Variants in CD47 observed in about 807,000 individuals in gnomAD.
CD47 encodes the protein leukocyte surface antigen CD47.
CD47 carries 11 observed loss-of-function variants against 44.6 expected under a neutral mutation model. The observed-to-expected ratio is 0.25, with a 90% CI of 0.16 to 0.41. The LOEUF (loss-of-function observed/expected upper bound fraction) is 0.41. Among genes scored for constraint, CD47 ranks in the 10% least tolerant of loss-of-function variants. The pLI is 1.00. For synonymous variants in CD47, 140 were observed against 136.3 expected, an observed-to-expected ratio of 1.03 and a Z score of -0.19; for missense variants, 306 against 386.7, an observed-to-expected ratio of 0.79 and a Z score of 1.75.
At chr3:108,069,314 CA>C (rs1360971136) in intron 3 of CD47, among the ~76,000 whole-genome samples, 2 of 152,014 alleles carry the variant, frequency 1.3e-5, no homozygotes, top group African/African-American at 4.8e-5. Flanking sequence ...AAGTAGAACA[CA>C]GGCAGCTATA....
chr3:108,060,595 C>G, intron 4 of CD47, 150 bp downstream of exon 4: 1 of 595,580 alleles, frequency 1.7e-6, no homozygotes, highest in Non-Finnish European at 3.0e-6. Context: ...AGACTTATGG[C>G]CTCCAGCATG....
At chr3:108,069,821 T>C (rs1054007470) in intron 3 of CD47, among the ~76,000 whole-genome samples, 3 of 152,206 alleles carry the variant, frequency 2.0e-5, no homozygotes, top group Non-Finnish European at 2.9e-5. Context: ...TCTGCCAATA[T>C]GGTTAAAAGC....
chr3:108,062,922 G>A (rs2079041207), intron 3 of CD47, among the ~76,000 whole-genome samples: 1 of 151,632 alleles, frequency 6.6e-6, no homozygotes, highest in South Asian at 2.1e-4. Context: ...CCAAAGTGCT[G>A]GGATTACAGG....
chr3:108,047,987 T>C (rs1450239105), intron 10 of CD47, among the ~76,000 whole-genome samples: 1 of 151,318 alleles, frequency 6.6e-6, no homozygotes, highest in South Asian at 2.1e-4. Flanking sequence ...TTCCTGAAAA[T>C]GGAGAAAAGT....
At chr3:108,079,582 A>AC (rs1271120798) in intron 2 of CD47, among the ~76,000 whole-genome samples, 4 of 149,220 alleles carry the variant, frequency 2.7e-5, no homozygotes, top group African/African-American at 4.9e-5. Context: ...AAAAAAAAAA[A>AC]AAAAAAAAAA....
chr3:108,078,132 T>C, intron 2 of CD47, among the ~76,000 whole-genome samples: 1 of 152,106 alleles, frequency 6.6e-6, no homozygotes, highest in East Asian at 1.9e-4. Flanking sequence ...CTCTCTATCT[T>C]TGAATCGTCC....
chr3:108,066,056 C>T (rs1477211579), intron 3 of CD47, among the ~76,000 whole-genome samples: 1 of 152,008 alleles, frequency 6.6e-6, no homozygotes, highest in Non-Finnish European at 1.5e-5. Context: ...AATATGCTTT[C>T]ATGGCTGAAT....
At chr3:108,052,240 C>T in intron 7 of CD47, 1 of 299,616 alleles carries the variant, frequency 3.3e-6, no homozygotes, top group African/African-American at 2.2e-5. Context: ...CCCAAATCAG[C>T]CACTTGTTAC....
At chr3:108,052,723 G>C (rs2078849338) in intron 7 of CD47, 1 of 152,334 alleles carries the variant, frequency 6.6e-6, no homozygotes, top group Admixed American at 6.5e-5. Flanking sequence ...GGGAGGCCAA[G>C]GCAAATAGAT....
chr3:108,088,340 C>T (rs190739050), intron 1 of CD47, among the ~76,000 whole-genome samples: 1,709 of 152,262 alleles, frequency 0.011, 12 homozygotes, highest in Non-Finnish European at 0.019. Context: ...CCATGAACAA[C>T]TCAGTGACAA....
intron 3 of CD47, among the ~76,000 whole-genome samples, chr3:108,070,189 C>T (rs182958108): frequency 2.0e-5 from 3 of 152,234 alleles, no homozygotes; most frequent in Admixed American, 1.3e-4. Context: ...AAATATACAA[C>T]AGGGCAATCC....
chr3:108,077,014 T>C (rs187173021), intron 2 of CD47, among the ~76,000 whole-genome samples: 135 of 152,300 alleles, frequency 8.9e-4, no homozygotes, highest in Middle Eastern at 3.4e-3. Flanking sequence ...TCTAATGGAC[T>C]ATATCATACA....
At chr3:108,083,196 T>C (rs2079450183) in intron 1 of CD47, among the ~76,000 whole-genome samples, 1 of 152,046 alleles carries the variant, frequency 6.6e-6, no homozygotes, top group Non-Finnish European at 1.5e-5. Flanking sequence ...GCCAGAGTTA[T>C]AGATAAATTA....
intron 1 of CD47, among the ~76,000 whole-genome samples, chr3:108,083,073 G>T (rs893034584): frequency 2.6e-5 from 4 of 152,028 alleles, no homozygotes; most frequent in African/African-American, 9.6e-5. Context: ...AAAATGTAGA[G>T]AGCAAATAAA....
chr3:108,071,070 T>C (rs757347724), intron 3 of CD47, 23 bp downstream of exon 3: 1 of 1,014,680 alleles, frequency 9.9e-7, no homozygotes. Context: ...GAAACATAAA[T>C]GAAAAGTAGA....
At chr3:108,056,846 A>G (rs76455314) in intron 7 of CD47, among the ~76,000 whole-genome samples, 2 of 152,306 alleles carry the variant, frequency 1.3e-5, no homozygotes, top group East Asian at 3.9e-4. Context: ...AGTAAATTCC[A>G]TACTTACTAA....
chr3:108,055,917 G>T (rs1185821397), intron 7 of CD47, among the ~76,000 whole-genome samples: 1 of 152,182 alleles, frequency 6.6e-6, no homozygotes, highest in Non-Finnish European at 1.5e-5. Flanking sequence ...CTGTACTGAA[G>T]ATCATTCTAT....
rs534358906 is a variant in CD47, at chr3:108,044,513, A to G, written c.*2775T>C. 5.4e-4 allele frequency: 82 copies of G among 150,842 alleles called. No individual in the cohort carries two copies. The highest frequency in any genetic ancestry group is 1.9e-3 in the African/African-American group (79 of 41,126). 9.3% of individuals were successfully genotyped at this position (150,842 alleles called of 1,614,324 possible). A position where few individuals can be genotyped will look rare whatever the true frequency, so the allele number is the denominator to read the frequency against. On this transcript the variant is annotated 3_prime_UTR_variant, in exon 11 of 11. Coordinates refer to ENST00000361309, the MANE Select transcript of CD47 (RefSeq NM_001777.4). ...CCCTATTAAAAAGTGATAAATCTAAATACAGCCAACTCTCAATCATTTAAC... is the reference window on the plus strand; with the variant it reads ...CCCTATTAAAAAGTGATAAATCTAAGTACAGCCAACTCTCAATCATTTAAC...
At position 108,047,013 on chromosome 3, in the gene CD47, TCTA is replaced by T; in HGVS notation, c.*272_*274del. The T allele has an allele frequency of 2.7e-6, 1 of 372,312 alleles. No individual in the cohort carries two copies. The highest frequency in any genetic ancestry group is 4.7e-5 in the Admixed American group (1 of 21,350). The allele number at this position is 372,312 out of a possible 1,614,324, so 23.1% of individuals were successfully genotyped here. On this transcript the variant is annotated 3_prime_UTR_variant, in exon 11 of 11. Transcript: ENST00000361309. ...GGCATCATTCTTGGAAATTGTCCAT[TCTA>T]CTATTGCCCCTAATTGATTAAAAAT...
Sources: allele counts gnomAD v4.1 joint callset (sites outside exome capture counted in the v4.1 genomes callset), GRCh38; gene constraint gnomAD v4.1.1; transcripts MANE v1.5; gene names NCBI Gene and HGNC (gene_info 2026-07-23, HGNC 2026-07-21).